WIPF3: variants seen among roughly 807,000 people sequenced by gnomAD.
The protein encoded by WIPF3 is WAS/WASL interacting protein family member 3.
Under a neutral mutation model 38.9 loss-of-function variants are expected in WIPF3, and 33 were observed. The ratio of observed to expected loss-of-function variants is 0.85; its 90% CI spans 0.64 to 1.14. WIPF3 has a LOEUF of 1.14. Ranked by LOEUF, WIPF3 falls within the 50% of genes most tolerant of loss-of-function variation. WIPF3 has a pLI of 0.00. For missense variants in WIPF3, 711 were observed against 652.5 expected, an observed-to-expected ratio of 1.09 and a Z score of -0.98; for synonymous variants, 324 against 269.3, an observed-to-expected ratio of 1.20 and a Z score of -1.99.
At chr7:29,859,334 G>A (rs571977836) in intron 2 of WIPF3, among the ~76,000 whole-genome samples, 6 of 152,158 alleles carry the variant, frequency 3.9e-5, no homozygotes, top group African/African-American at 9.7e-5. Flanking sequence ...ATTCCATGTC[G>A]GGAAGATCAA....
At chr7:29,825,580 A>G (rs1784603753) in intron 1 of WIPF3, among the ~76,000 whole-genome samples, 1 of 152,236 alleles carries the variant, frequency 6.6e-6, no homozygotes, top group Admixed American at 6.5e-5. Context: ...GGAACCACAC[A>G]TATAACAATT....
chr7:29,885,557 TCCCACTGCTTTGGGAGG>T (rs1388583293), intron 5 of WIPF3, among the ~76,000 whole-genome samples: 3 of 152,172 alleles, frequency 2.0e-5, no homozygotes, highest in African/African-American at 7.2e-5. Context: ...ACACCGGTAA[TCCCACTGCTTTGGGAGG>T]CCCATGCATG....
At chr7:29,913,737 C>T (rs1459986457) in intron 8 of WIPF3, among the ~76,000 whole-genome samples, 2 of 152,246 alleles carry the variant, frequency 1.3e-5, no homozygotes, top group Admixed American at 6.5e-5. Flanking sequence ...CCCAAACCTT[C>T]TGACCTCTTG....
chr7:29,823,780 G>A lies in WIPF3; in HGVS notation c.-57-10888G>A, dbSNP rs914555182. 2.0e-5 allele frequency among the ~76,000 whole-genome samples: 3 copies of A among 152,070 alleles called. No individual in the cohort carries two copies. Among genetic ancestry groups the A allele is most frequent in the Non-Finnish European group, 4.4e-5 (3 of 68,026 alleles). On this transcript the variant is annotated intron_variant, in intron 1 of 8. Coordinates refer to ENST00000242140, the MANE Select transcript of WIPF3 (RefSeq NM_001080529.3). This position sits in a 1 kb window ranked among gnomAD's most constrained non-coding sequence, Gnocchi z 4.0. The stretch of plus-strand genomic sequence containing the variant: ...CTTGTGATGTTGAGTGAGTTCTCAC[G>A]AGATCTGATTGTTTAAAAGTGCGTG...
intron 7 of WIPF3, among the ~76,000 whole-genome samples, chr7:29,891,038 GGA>G (rs1786005377): frequency 1.4e-5 from 2 of 145,058 alleles, no homozygotes; most frequent in Admixed American, 1.4e-4. Flanking sequence ...GTGCTCAGGT[GGA>G]GGGGGCACGG....
intron 2 of WIPF3, among the ~76,000 whole-genome samples, chr7:29,856,485 G>A (rs1031063292): frequency 3.3e-5 from 5 of 151,922 alleles, no homozygotes; most frequent in Non-Finnish European, 5.9e-5. Context: ...AAAATTAGCC[G>A]AGCATGTTGG....
intron 1 of WIPF3, among the ~76,000 whole-genome samples, chr7:29,828,215 AGT>A (rs2128064177): frequency 6.6e-6 from 1 of 151,106 alleles, no homozygotes; most frequent in African/African-American, 2.5e-5. Flanking sequence ...GAAAAAAAAG[AGT>A]TTGACGAGAG....
At chr7:29,870,957 C>CAG (rs771866981) in intron 2 of WIPF3, among the ~76,000 whole-genome samples, 1 of 132,946 alleles carries the variant, frequency 7.5e-6, no homozygotes, top group Admixed American at 7.4e-5. Flanking sequence ...ACCCCATCTC[C>CAG]AAAAAAAAAA....
chr7:29,876,034 C>T, intron 3 of WIPF3, 72 bp downstream of exon 3: 1 of 1,565,724 alleles, frequency 6.4e-7, no homozygotes, highest in Non-Finnish European at 8.7e-7. Context: ...AGCCAGACAC[C>T]CCTGGCTGGG....
intron 3 of WIPF3, among the ~76,000 whole-genome samples, chr7:29,876,878 C>T (rs180849407): frequency 2.0e-5 from 3 of 152,152 alleles, no homozygotes; most frequent in East Asian, 1.9e-4. Flanking sequence ...CCAGACAAAT[C>T]GGGGAGCCTC....
At chr7:29,815,250 G>C (rs748243279) in intron 1 of WIPF3, among the ~76,000 whole-genome samples, 24 of 152,096 alleles carry the variant, frequency 1.6e-4, no homozygotes, top group Admixed American at 6.6e-5. Flanking sequence ...AAAAAAAACA[G>C]TAAGACAAGA....
At position 29,884,361 on chromosome 7, in the gene WIPF3, T is replaced by TGCCCCCCCCCCCCCCC; in HGVS notation, c.867_868insGCCCCCCCCCCCCCCC (p.Pro290AlafsTer33). 4.6e-6 allele frequency: 6 copies of TGCCCCCCCCCCCCCCC among 1,317,848 alleles called. No individual in the cohort carries two copies. The highest frequency in any genetic ancestry group is 5.9e-6 in the Non-Finnish European group (6 of 1,017,888). 81.6% of individuals were successfully genotyped at this position (1,317,848 alleles called of 1,614,324 possible). ...GCCCTGCGCAAGATGCGCAGGAGCC[T>TGCCCCCCCCCCCCCCC]CCCGCCCCGCCGCCCCCGCTCCCCC... On this transcript the variant is annotated frameshift_variant, in exon 5 of 9. Transcript: ENST00000242140. LOFTEE classifies it high-confidence loss of function.
Position 29,881,074 on chromosome 7 carries a change from A to T in WIPF3, c.355+1934A>T, listed in dbSNP as rs567789892. Among the ~76,000 whole-genome samples, 148 of 152,250 alleles carry T rather than the reference A, an allele frequency of 9.7e-4. 1 individual carries two copies. The highest frequency in any genetic ancestry group is 1.5e-3 in the Non-Finnish European group (102 of 68,020). ...CTGAAAGGCTCATCCGCAGGTGTCC[A>T]CGTGGCTCAGTCTCTCCCTTCCTGC... On this transcript the variant is annotated intron_variant, in intron 4 of 8. Transcript: ENST00000242140.
In WIPF3 at chr7:29,884,326, G is replaced by A; in HGVS notation, c.832G>A (p.Glu278Lys). 1.3e-6 allele frequency: 2 copies of A among 1,516,206 alleles called. No homozygotes were observed. The highest frequency in any genetic ancestry group is 2.1e-5 in the Admixed American group (1 of 48,340). The allele number at this position is 1,516,206 out of a possible 1,614,324, so 93.9% of individuals were successfully genotyped here. A position where few individuals can be genotyped will look rare whatever the true frequency, so the allele number is the denominator to read the frequency against. Reference protein sequence around the residue: ...PPCGYPGLKAEPASPAQDAQE... With the variant: ...PPCGYPGLKAKPASPAQDAQE... ...TTGTGGGTATCCGGGGCTCAAAGCG[G>A]AGCCCGCCAGCCCTGCGCAAGATGC... Residue 278 changes from glutamate to lysine, a missense_variant, in exon 5 of 9, where the codon GAG (glutamate) becomes AAG (lysine). Glu to Lys is a moderately conservative substitution (Grantham distance 56). Coordinates refer to ENST00000242140, the MANE Select transcript of WIPF3 (RefSeq NM_001080529.3).
chr7:29,819,237 T>C (rs555105996), intron 1 of WIPF3, among the ~76,000 whole-genome samples: 1 of 152,104 alleles, frequency 6.6e-6, no homozygotes, highest in Non-Finnish European at 1.5e-5. Context: ...TCTTGGTCAC[T>C]TGATTAACTC....
intron 2 of WIPF3, among the ~76,000 whole-genome samples, chr7:29,841,181 C>A (rs189212710): frequency 1.3e-5 from 2 of 152,270 alleles, no homozygotes; most frequent in Admixed American, 1.3e-4. Flanking sequence ...AGATGGGGAT[C>A]ATTTTGTGTG....
At position 29,878,924 on chromosome 7, in the gene WIPF3, C is replaced by A; in HGVS notation, c.224-85C>A. On this transcript the variant is annotated intron_variant, in intron 3 of 8. Coordinates refer to ENST00000242140, the MANE Select transcript of WIPF3 (RefSeq NM_001080529.3). This position sits in a 1 kb window ranked among gnomAD's most constrained non-coding sequence, Gnocchi z 4.0. ...GAAGGCTGACAAGGGCAGTGGTAGA[C>A]CAGTGTTAGACCATGGTCTGAAATG... is the stretch of plus-strand genomic sequence containing the variant. 6.8e-7 allele frequency: 1 copy of A among 1,466,272 alleles called. No individual in the cohort carries two copies. Among genetic ancestry groups the A allele is most frequent in the African/African-American group, 1.4e-5 (1 of 71,702 alleles). 90.8% of individuals were successfully genotyped at this position (1,466,272 alleles called of 1,614,324 possible).
intron 1 of WIPF3, among the ~76,000 whole-genome samples, chr7:29,816,940 C>T (rs1784466094): frequency 6.6e-6 from 1 of 152,162 alleles, no homozygotes; most frequent in African/African-American, 2.4e-5. Flanking sequence ...TACATTTTCC[C>T]ATTACCCTTC....
At chr7:29,867,995 A>G (rs1785421856) in intron 2 of WIPF3, among the ~76,000 whole-genome samples, 1 of 152,184 alleles carries the variant, frequency 6.6e-6, no homozygotes, top group South Asian at 2.1e-4. Context: ...TTGTGCTCAA[A>G]AATAAGAAGC....
Sources: gnomAD v4.1 joint callset for allele counts (sites outside exome capture counted in the v4.1 genomes callset) on GRCh38, gnomAD v4.1.1 for gene constraint, Gnocchi (gnomAD v3.1) non-coding constraint, MANE v1.5 for transcripts, NCBI Gene and HGNC (gene_info 2026-07-23, HGNC 2026-07-21) for gene names.